DDIAS: variants seen among roughly 807,000 people sequenced by gnomAD.
DDIAS encodes the protein DNA damage induced apoptosis suppressor, also known as DNA damage-induced apoptosis suppressor protein.
In DDIAS, 14 loss-of-function variants were observed where a neutral mutation model predicts 15.7. That is an observed-to-expected ratio of 0.89 (90% CI 0.59 to 1.39). DDIAS has a LOEUF of 1.39. Among genes scored for constraint, DDIAS ranks in the 40% most tolerant of loss-of-function variants. The probability of loss-of-function intolerance (pLI) is 0.00; values close to 1 mark genes in which losing one functional copy is unlikely to be tolerated. For missense variants in DDIAS, 1,035 were observed against 1,130.9 expected (o/e 0.92, Z 1.22); for synonymous variants, 355 against 395.9 (o/e 0.90, Z 1.23).
At chr11:82,909,968 G>A (rs959490663) in intron 1 of DDIAS, among the ~76,000 whole-genome samples, 2 of 152,096 alleles carry the variant, frequency 1.3e-5, no homozygotes, top group Non-Finnish European at 2.9e-5. Flanking sequence ...ATCAGAATTA[G>A]TATCACTTTA....
rs765755571 is a variant in DDIAS at position 82,933,074 on chromosome 11, G to T, written c.1736G>T (p.Gly579Val). Residue 579 changes from glycine to valine, a missense_variant, in exon 6 of 6, where the codon GGA (glycine) becomes GTA (valine). Physicochemically the swap from Gly to Val is moderately radical, Grantham distance 109 (BLOSUM62 -3). Transcript: ENST00000533655. ...HSSLNNKYLN[G>V]CGEISVSEMN... ...AGTCTAAATAACAAATATTTGAATG[G>T]ATGTGGAGAAATATCAGTTTCAGAA... 1 of 1,602,760 alleles carries T rather than the reference G, an allele frequency of 6.2e-7. No homozygotes were observed. Among genetic ancestry groups the T allele is most frequent in the African/African-American group, 1.3e-5 (1 of 74,844 alleles).
At position 82,914,832 on chromosome 11, in the gene DDIAS, A is replaced by G; in HGVS notation, c.94A>G (p.Ile32Val). The G allele has an allele frequency of 6.3e-7, 1 of 1,588,922 alleles. No homozygotes were observed. Among genetic ancestry groups the G allele is most frequent in the Admixed American group, 1.7e-5 (1 of 59,540 alleles). ...YPSCQKCFSR[I>V]ILVSKRSNCP... Reference sequence around the variant, plus strand: ...ATCATGTCAGAAGTGCTTCTCTAGGATAATCCTGGTCTCCAAAAGGTAAAA... The same window carrying G: ...ATCATGTCAGAAGTGCTTCTCTAGGGTAATCCTGGTCTCCAAAAGGTAAAA... The change falls in exon 3 of 6, where the codon ATA becomes GTA. Residue 32 changes from isoleucine (I) to valine (V), a missense_variant. Ile to Val is a conservative substitution (Grantham distance 29). Transcript: ENST00000533655.
At position 82,933,688 on chromosome 11, in the gene DDIAS, A is replaced by AT; in HGVS notation, c.2350_2351insT (p.Arg784MetfsTer19). ...TCCAATTTCAGGGTTCCACCAAACA[A>AT]GAATTCATGGGATAAACAGAGCTTT... On this transcript the variant is annotated frameshift_variant, in exon 6 of 6. Transcript: ENST00000533655. LOFTEE classifies it low-confidence loss of function (END_TRUNC). 6.2e-7 allele frequency: 1 copy of AT among 1,614,130 alleles called. No individual in the cohort carries two copies. The highest frequency in any genetic ancestry group is 2.2e-5 in the East Asian group (1 of 44,870).
chr11:82,928,177 C>CTTTTTTTTTTTTTTTTTTTT (rs541845327), intron 3 of DDIAS, among the ~76,000 whole-genome samples: 1 of 34,172 alleles, frequency 2.9e-5, no homozygotes, highest in South Asian at 1.4e-3. Flanking sequence ...TTTTTGTCCT[C>CTTTTTTTTTTTTTTTTTTTT]TTTTTTTTTT....
Position 82,914,815 on chromosome 11 carries a change from A to G in DDIAS, c.77A>G (p.Gln26Arg), listed in dbSNP as rs1305107318. The G allele has an allele frequency of 6.2e-7, 1 of 1,606,226 alleles. No homozygotes were observed. Among genetic ancestry groups the G allele is most frequent in the Non-Finnish European group, 8.5e-7 (1 of 1,173,384 alleles). Residue 26 changes from glutamine (Q) to arginine (R), a missense_variant, in exon 3 of 6, where the codon CAG becomes CGG. Physicochemically the swap from Gln to Arg is conservative, Grantham distance 43. Coordinates refer to ENST00000533655, the MANE Select transcript of DDIAS (RefSeq NM_145018.4). ...TCAAGTTTTATATATCCATCATGTC[A>G]GAAGTGCTTCTCTAGGATAATCCTG... Reference protein sequence around the residue: ...QNSSFIYPSCQKCFSRIILVS... With the variant: ...QNSSFIYPSCRKCFSRIILVS...
chr11:82,921,826 G>A (rs573382302), intron 3 of DDIAS, among the ~76,000 whole-genome samples: 22 of 152,116 alleles, frequency 1.4e-4, no homozygotes, highest in African/African-American at 4.8e-4. Flanking sequence ...TGATCCACCC[G>A]CCTCAGCCTC....
chr11:82,931,293 G>A (rs1158231330), intron 5 of DDIAS, among the ~76,000 whole-genome samples: 2 of 152,146 alleles, frequency 1.3e-5, no homozygotes, highest in Admixed American at 6.5e-5. Context: ...TAACAGAATC[G>A]AAATTGGAAT....
intron 5 of DDIAS, among the ~76,000 whole-genome samples, chr11:82,930,738 GAAGAAGTTAAAAAAAA>G (rs1457264714): frequency 1.7e-5 from 2 of 118,084 alleles, no homozygotes. Flanking sequence ...AGTGACTGTA[GAAGAAGTTAAAAAAAA>G]AAGAAGTTAC....
intron 1 of DDIAS, among the ~76,000 whole-genome samples, chr11:82,902,419 C>G (rs565334194): frequency 6.6e-6 from 1 of 151,860 alleles, no homozygotes; most frequent in East Asian, 1.9e-4. Context: ...GCTGGTTCTC[C>G]TGCTTTCAAT....
At chr11:82,919,986 G>A (rs1860712691) in intron 3 of DDIAS, among the ~76,000 whole-genome samples, 1 of 152,190 alleles carries the variant, frequency 6.6e-6, no homozygotes. Context: ...GCCTCCCAAA[G>A]CGCTGGGATT....
intron 3 of DDIAS, among the ~76,000 whole-genome samples, chr11:82,921,954 T>G (rs1860764041): frequency 6.6e-6 from 1 of 152,234 alleles, no homozygotes; most frequent in South Asian, 2.1e-4. Context: ...ACTGTATCTT[T>G]CCTTCATATA....
chr11:82,904,460 T>C (rs1318423), intron 1 of DDIAS, among the ~76,000 whole-genome samples: 82,583 of 152,082 alleles, frequency 0.54, 23,269 homozygotes, highest in African/African-American at 0.7. Flanking sequence ...TGGATTAGAG[T>C]AAAGAATTGC....
chr11:82,930,375 A>G, intron 5 of DDIAS, 101 bp downstream of exon 5: 1 of 848,652 alleles, frequency 1.2e-6, no homozygotes, highest in Non-Finnish European at 1.9e-6. Context: ...GTACATGTGA[A>G]GGCCTGTAGA....
At chr11:82,927,816 C>T (rs1288259610) in intron 3 of DDIAS, among the ~76,000 whole-genome samples, 3 of 152,174 alleles carry the variant, frequency 2.0e-5, no homozygotes, top group African/African-American at 4.8e-5. Flanking sequence ...CAGACTAACA[C>T]TAATTTCACA....
Position 82,934,347 on chromosome 11 carries a change from AACCCAAT to A in DDIAS, c.*13_*19del. The A allele has an allele frequency of 6.4e-7, 1 of 1,567,068 alleles. No individual in the cohort carries two copies. The highest frequency in any genetic ancestry group is 8.6e-7 in the Non-Finnish European group (1 of 1,159,722). ...AATTGTTTTCATAAAAAGTCACCTGAACCCAATTCCTGAACTTTTAAATCTGTTTGGA... is the reference window on the plus strand; with the variant it reads ...AATTGTTTTCATAAAAAGTCACCTGATCCTGAACTTTTAAATCTGTTTGGA... On this transcript the variant is annotated 3_prime_UTR_variant, in exon 6 of 6. Coordinates refer to ENST00000533655, the MANE Select transcript of DDIAS (RefSeq NM_145018.4).
At chr11:82,905,596 C>G (rs1199058185) in intron 1 of DDIAS, among the ~76,000 whole-genome samples, 2 of 152,220 alleles carry the variant, frequency 1.3e-5, no homozygotes, top group East Asian at 3.9e-4. Flanking sequence ...AAATTAGTCC[C>G]CCTGTTATAT....
intron 1 of DDIAS, among the ~76,000 whole-genome samples, chr11:82,909,844 C>A (rs1277181715): frequency 6.6e-6 from 1 of 152,204 alleles, no homozygotes; most frequent in Non-Finnish European, 1.5e-5. Context: ...GTGCTCCCTT[C>A]AGTAATACAG....
chr11:82,933,067 TTGAA>T lies in DDIAS; in HGVS notation c.1732_1735del (p.Asn578AspfsTer10), dbSNP rs1861035349. ...CCATTCTAGTCTAAATAACAAATATTTGAATGGATGTGGAGAAATATCAGTTTCA... is the reference window on the plus strand; with the variant it reads ...CCATTCTAGTCTAAATAACAAATATTTGGATGTGGAGAAATATCAGTTTCA... On this transcript the variant is annotated frameshift_variant, in exon 6 of 6. Transcript: ENST00000533655. LOFTEE classifies it low-confidence loss of function (END_TRUNC). The T allele has an allele frequency of 6.2e-7, 1 of 1,602,880 alleles. No homozygotes were observed.
At chr11:82,924,601 T>A (rs1208470697) in intron 3 of DDIAS, among the ~76,000 whole-genome samples, 1 of 152,118 alleles carries the variant, frequency 6.6e-6, no homozygotes, top group African/African-American at 2.4e-5. Flanking sequence ...ATTGCTTGAG[T>A]CCAGGATTTT....
Sources: gnomAD v4.1 joint callset for allele counts (sites outside exome capture counted in the v4.1 genomes callset) on GRCh38, gnomAD v4.1.1 for gene constraint, MANE v1.5 for transcripts, NCBI Gene and HGNC (gene_info 2026-07-23, HGNC 2026-07-21) for gene names.